The following COG5 variants were observed in gnomAD, a reference collection of about 807,000 sequenced individuals.
COG5 encodes the protein component of oligomeric golgi complex 5.
A neutral mutation model predicts 110.4 loss-of-function variants in COG5; 86 were observed. The observed-to-expected ratio is 0.78, with a 90% CI of 0.65 to 0.93. The LOEUF is 0.93. Among genes scored for constraint, COG5 ranks in the 40% least tolerant of loss-of-function variants. The probability of loss-of-function intolerance (pLI) is 0.00; values close to 1 mark genes in which losing one functional copy is unlikely to be tolerated. For synonymous variants in COG5, 360 were observed against 334.6 expected, an observed-to-expected ratio of 1.08 and a Z score of -0.83; for missense variants, 1,077 against 987.0, an observed-to-expected ratio of 1.09 and a Z score of -1.22.
At chr7:107,434,779 G>A (rs375111900) in intron 6 of COG5, among the ~76,000 whole-genome samples, 3 of 151,952 alleles carry the variant, frequency 2.0e-5, no homozygotes, top group South Asian at 2.1e-4. Context: ...GACCATCCTG[G>A]CTAACACAGT....
rs1259082265 is a variant in COG5, at chr7:107,403,359, CA to C, written c.669+9142del. Among the ~76,000 whole-genome samples, 5 of 151,500 alleles carry C rather than the reference CA, an allele frequency of 3.3e-5. 1 individual carries two copies. Among genetic ancestry groups the C allele is most frequent in the Admixed American group, 2.6e-4 (4 of 15,208 alleles). ...GCAGTTTGGGTATCTGATAAGGGCT[CA>C]TGTTCCTAGTTCACAGAAAGACACC... On this transcript the variant is annotated intron_variant, in intron 7 of 21. Coordinates refer to ENST00000297135, the MANE Select transcript of COG5 (RefSeq NM_006348.5).
At chr7:107,485,134 T>G (rs1292812724) in intron 6 of COG5, among the ~76,000 whole-genome samples, 1 of 152,156 alleles carries the variant, frequency 6.6e-6, no homozygotes, top group Admixed American at 6.6e-5. Flanking sequence ...AGAGAAATGG[T>G]TAAGTGCAGA....
intron 1 of COG5, among the ~76,000 whole-genome samples, chr7:107,558,608 C>T (rs998004353): frequency 7.6e-5 from 11 of 145,226 alleles, no homozygotes; most frequent in Admixed American, 5.6e-4. Flanking sequence ...TATCTCTGGC[C>T]GGGCGCGGTG....
intron 5 of COG5, among the ~76,000 whole-genome samples, chr7:107,539,216 A>T (rs1034574825): frequency 6.6e-6 from 1 of 152,160 alleles, no homozygotes. Flanking sequence ...ACAGAGCAAG[A>T]CCCTGTCTCA....
chr7:107,476,000 T>A (rs946024023), intron 6 of COG5, among the ~76,000 whole-genome samples: 13 of 151,138 alleles, frequency 8.6e-5, no homozygotes, highest in South Asian at 2.1e-4. Flanking sequence ...AGAGAAACTT[T>A]AAAATTCATG....
chr7:107,249,927 T>C (rs552954445), intron 16 of COG5, among the ~76,000 whole-genome samples: 27 of 152,016 alleles, frequency 1.8e-4, no homozygotes, highest in Non-Finnish European at 3.1e-4. Context: ...CTGAGGCACT[T>C]GGGAAACCAC....
chr7:107,357,598 A>G (rs887214254), intron 10 of COG5, among the ~76,000 whole-genome samples: 13 of 152,222 alleles, frequency 8.5e-5, no homozygotes, highest in African/African-American at 3.1e-4. Context: ...AATAAAAAGC[A>G]TATATCCCTA....
intron 13 of COG5, 50 bp from the exon 14 acceptor site, chr7:107,281,449 C>G: frequency 7.7e-7 from 1 of 1,306,428 alleles, no homozygotes; most frequent in Non-Finnish European, 1.1e-6. Flanking sequence ...CATTCATCAA[C>G]AAAGTAAAGA....
chr7:107,461,240 T>C (rs1272933187), intron 6 of COG5, among the ~76,000 whole-genome samples: 1 of 152,072 alleles, frequency 6.6e-6, no homozygotes, highest in Non-Finnish European at 1.5e-5. Flanking sequence ...AAGGTAGTAC[T>C]ATCAAAATAG....
At chr7:107,339,515 C>T (rs982190049) in intron 10 of COG5, among the ~76,000 whole-genome samples, 4 of 152,020 alleles carry the variant, frequency 2.6e-5, no homozygotes, top group Admixed American at 1.3e-4. Context: ...CAGCACTTAA[C>T]TAACTGGACC....
intron 8 of COG5, among the ~76,000 whole-genome samples, chr7:107,371,698 T>G (rs1814178656): frequency 6.6e-6 from 1 of 152,158 alleles, no homozygotes; most frequent in Non-Finnish European, 1.5e-5. Context: ...TATATTTATT[T>G]AATTGGTTTT....
chr7:107,275,837 C>G (rs1474224046), intron 14 of COG5, among the ~76,000 whole-genome samples: 1 of 150,436 alleles, frequency 6.6e-6, no homozygotes, highest in Non-Finnish European at 1.5e-5. Flanking sequence ...ACTTTTAGAA[C>G]TTAAAAAAAA....
chr7:107,359,829 G>A (rs572273542), intron 10 of COG5, among the ~76,000 whole-genome samples: 1 of 152,086 alleles, frequency 6.6e-6, no homozygotes, highest in South Asian at 2.1e-4. Context: ...GGGCCACACA[G>A]ATGTCAGGAT....
chr7:107,281,261 TA>T (rs776174284), intron 14 of COG5, 38 bp downstream of exon 14: 8 of 1,310,178 alleles, frequency 6.1e-6, no homozygotes, highest in Non-Finnish European at 8.8e-6. Context: ...TAATTTTAAA[TA>T]AAATCATTAA....
At chr7:107,505,056 G>C (rs1240171586) in intron 6 of COG5, among the ~76,000 whole-genome samples, 1 of 152,188 alleles carries the variant, frequency 6.6e-6, no homozygotes, top group African/African-American at 2.4e-5. Context: ...TGTTGGTCAT[G>C]TGAGCAAGTT....
intron 6 of COG5, among the ~76,000 whole-genome samples, chr7:107,463,620 T>C (rs966982117): frequency 6.6e-6 from 1 of 152,196 alleles, no homozygotes; most frequent in Non-Finnish European, 1.5e-5. Context: ...ATCTACATTT[T>C]AGCTTTTTAA....
intron 10 of COG5, among the ~76,000 whole-genome samples, chr7:107,352,869 C>G (rs961216767): frequency 1.3e-5 from 2 of 152,116 alleles, no homozygotes; most frequent in Non-Finnish European, 2.9e-5. Flanking sequence ...TATCTATAAT[C>G]CCCCACACAG....
At chr7:107,434,481 T>C (rs1485705796) in intron 6 of COG5, among the ~76,000 whole-genome samples, 2 of 152,118 alleles carry the variant, frequency 1.3e-5, no homozygotes, top group Non-Finnish European at 1.5e-5. Flanking sequence ...CTGGGTACAG[T>C]GTGTACACTG....
chr7:107,396,765 T>C (rs1364705030), intron 7 of COG5, among the ~76,000 whole-genome samples: 1 of 152,174 alleles, frequency 6.6e-6, no homozygotes, highest in East Asian at 1.9e-4. Flanking sequence ...AGTTTTTAAA[T>C]AATGTCAATA....
Sources: allele counts gnomAD v4.1 joint callset (sites outside exome capture counted in the v4.1 genomes callset), GRCh38; gene constraint gnomAD v4.1.1; transcripts MANE v1.5; gene names NCBI Gene and HGNC (gene_info 2026-07-23, HGNC 2026-07-21).